TRIM4: variants seen among roughly 807,000 people sequenced by gnomAD.
TRIM4 encodes E3 ubiquitin-protein ligase TRIM4.
TRIM4 carries 29 observed loss-of-function variants against 33.7 expected under a neutral mutation model. The ratio of observed to expected loss-of-function variants is 0.86; its 90% CI spans 0.64 to 1.17. The LOEUF is 1.17. Among genes scored for constraint, TRIM4 ranks in the 50% most tolerant of loss-of-function variants. The probability of loss-of-function intolerance (pLI) is 0.00; values close to 1 mark genes in which losing one functional copy is unlikely to be tolerated. For missense variants in TRIM4, 554 were observed against 593.7 expected (o/e 0.93, Z 0.69); for synonymous variants, 224 against 233.0 (o/e 0.96, Z 0.35).
chr7:99,918,384 T>G (rs933795433), intron 1 of TRIM4, among the ~76,000 whole-genome samples: 1 of 152,114 alleles, frequency 6.6e-6, no homozygotes, highest in African/African-American at 2.4e-5. Flanking sequence ...CTGGCCAAGA[T>G]GGTGAAACCC....
intron 5 of TRIM4, among the ~76,000 whole-genome samples, chr7:99,899,700 T>G (rs1455147661): frequency 6.6e-6 from 1 of 152,232 alleles, no homozygotes; most frequent in Admixed American, 6.5e-5. Flanking sequence ...ATTAGGGTTC[T>G]CCAAAGGAAC....
At chr7:99,906,127 A>G (rs757450347) in intron 3 of TRIM4, among the ~76,000 whole-genome samples, 14 of 152,218 alleles carry the variant, frequency 9.2e-5, no homozygotes, top group Non-Finnish European at 1.8e-4. Flanking sequence ...CCTCGGCCAC[A>G]CAGCAAGACT....
At chr7:99,894,674 A>C (rs924641544) in intron 5 of TRIM4, among the ~76,000 whole-genome samples, 46 of 120,136 alleles carry the variant, frequency 3.8e-4, no homozygotes, top group South Asian at 2.2e-3. Flanking sequence ...CCCCCCCCCA[A>C]AAAAAAAAAG....
chr7:99,908,064 A>C (rs974201466), intron 3 of TRIM4, among the ~76,000 whole-genome samples: 1 of 152,248 alleles, frequency 6.6e-6, no homozygotes, highest in Non-Finnish European at 1.5e-5. Flanking sequence ...ACCCAAACTT[A>C]AGTGCTAAGT....
intron 5 of TRIM4, chr7:99,901,901 C>T (rs1819179620): frequency 5.4e-6 from 3 of 557,292 alleles, no homozygotes; most frequent in Non-Finnish European, 9.5e-6. Context: ...CTCCAGGATA[C>T]TGCCCAGTAC....
intron 1 of TRIM4, among the ~76,000 whole-genome samples, chr7:99,917,580 A>G (rs2151654728): frequency 1.3e-5 from 2 of 152,318 alleles, no homozygotes; most frequent in South Asian, 2.1e-4. Flanking sequence ...TTAGCTGGGC[A>G]TGCTGGCAGG....
At chr7:99,903,798 G>GC (rs1324052492) in intron 3 of TRIM4, among the ~76,000 whole-genome samples, 200 bp from the exon 4 acceptor site, 1 of 152,000 alleles carries the variant, frequency 6.6e-6, no homozygotes, top group Non-Finnish European at 1.5e-5. Flanking sequence ...TGCTGCCTGC[G>GC]CCCCTCCTCT....
At chr7:99,898,483 G>A (rs1037318999) in intron 5 of TRIM4, among the ~76,000 whole-genome samples, 6 of 152,214 alleles carry the variant, frequency 3.9e-5, no homozygotes, top group Admixed American at 1.3e-4. Flanking sequence ...ACAGGTAGAC[G>A]GCAACCACAG....
chr7:99,895,013 C>T (rs1818985341), intron 5 of TRIM4, among the ~76,000 whole-genome samples: 1 of 152,096 alleles, frequency 6.6e-6, no homozygotes, highest in African/African-American at 2.4e-5. Flanking sequence ...CTCAAAGGAC[C>T]AGCTTTTGGT....
chr7:99,917,107 C>A (rs1819572845), intron 1 of TRIM4, among the ~76,000 whole-genome samples: 1 of 152,200 alleles, frequency 6.6e-6, no homozygotes, highest in African/African-American at 2.4e-5. Context: ...CTCAACGGAG[C>A]CTTTCCTCAC....
intron 5 of TRIM4, chr7:99,901,866 TTC>T: frequency 2.0e-6 from 1 of 500,696 alleles, no homozygotes; most frequent in South Asian, 3.3e-5. Context: ...ATGGCGAGGG[TTC>T]TCTCTGTGTC....
chr7:99,918,561 T>C (rs1367774250), intron 1 of TRIM4, among the ~76,000 whole-genome samples: 2 of 140,678 alleles, frequency 1.4e-5, no homozygotes, highest in East Asian at 3.9e-4. Flanking sequence ...TGAGACTCCA[T>C]CTCAGAAAAA....
In TRIM4 at chr7:99,917,690, G is replaced by T. The variant is rs138409466; in HGVS notation, c.393+1319C>A. 3.5e-3 allele frequency: 1,912 copies of T among 549,652 alleles called. 31 individuals carry two copies. The highest frequency in any genetic ancestry group is 0.031 in the African/African-American group (1,517 of 48,722). The allele number at this position is 549,652 out of a possible 1,614,324, so 34.0% of individuals were successfully genotyped here. On this transcript the variant is annotated intron_variant, in intron 1 of 5. Coordinates refer to ENST00000349062, the MANE Select transcript of TRIM4 (RefSeq NM_033091.3). The stretch of plus-strand genomic sequence containing the variant: ...GTTGAGATCTCACCACTGCATTCCA[G>T]CCTGGGCAACAAGAGCGAAACTCCA...
chr7:99,893,139 C>A (rs1322025142), intron 5 of TRIM4, among the ~76,000 whole-genome samples: 1 of 152,066 alleles, frequency 6.6e-6, no homozygotes, highest in Non-Finnish European at 1.5e-5. Context: ...TGATGGTGGG[C>A]ACCTGTAATC....
At chr7:99,913,454 G>T (rs1328428702) in intron 1 of TRIM4, among the ~76,000 whole-genome samples, 1 of 152,060 alleles carries the variant, frequency 6.6e-6, no homozygotes, top group African/African-American at 2.4e-5. Flanking sequence ...AGATTACGAG[G>T]TCAGGAGTTC....
Position 99,919,074 on chromosome 7 carries a change from T to G in TRIM4, c.328A>C (p.Arg110=). Residue 110 remains arginine (R), a synonymous_variant, in exon 1 of 6, where the codon AGG becomes CGG. Transcript: ENST00000349062. ...TGAGTCTGGTGCTCCTGGGACTCCCTGCACACCAGGCACACTGGCCGCTGG... is the reference window on the plus strand; with the variant it reads ...TGAGTCTGGTGCTCCTGGGACTCCCGGCACACCAGGCACACTGGCCGCTGG... The part of the protein sequence containing the change: ...DDQRPVCLVC[R]ESQEHQTHAM... 1 of 1,566,362 alleles carries G rather than the reference T, an allele frequency of 6.4e-7. No individual in the cohort carries two copies. The highest frequency in any genetic ancestry group is 1.4e-5 in the African/African-American group (1 of 72,254).
chr7:99,909,129 T>TGAGG (rs1819375747), intron 2 of TRIM4, among the ~76,000 whole-genome samples: 1 of 139,522 alleles, frequency 7.2e-6, no homozygotes, highest in Admixed American at 7.2e-5. Flanking sequence ...TTTAGGAGTG[T>TGAGG]GAGGGTGTGT....
intron 3 of TRIM4, among the ~76,000 whole-genome samples, chr7:99,905,151 G>C (rs1370009555): frequency 6.6e-6 from 1 of 152,170 alleles, no homozygotes; most frequent in Non-Finnish European, 1.5e-5. Context: ...GAGGGCAGGA[G>C]ATGACATTTT....
Position 99,908,598 on chromosome 7 carries a change from G to T in TRIM4, c.704C>A (p.Thr235Asn). Residue 235 changes from threonine (T) to asparagine (N), a missense_variant, in exon 3 of 6, where the codon ACC (threonine) becomes AAC (asparagine). Physicochemically the swap from Thr to Asn is moderately conservative, Grantham distance 65. This residue lies in a region of TRIM4 where 290 missense variants were observed against 335.8 expected (regional missense o/e 0.86). Coordinates refer to ENST00000349062, the MANE Select transcript of TRIM4 (RefSeq NM_033091.3). ...LEVGEKSQAP[T>N]LELLQNPKEV... is the part of the protein sequence containing the mutation. ...CTGTCTCACCTGAAGCAGCTCCAGGGTGGGAGCCTGGCTCTTCTCCCCCAC... is the reference window on the plus strand; with the variant it reads ...CTGTCTCACCTGAAGCAGCTCCAGGTTGGGAGCCTGGCTCTTCTCCCCCAC... The T allele has an allele frequency of 6.2e-7, 1 of 1,612,618 alleles. No homozygotes were observed.
Sources: allele counts gnomAD v4.1 joint callset (sites outside exome capture counted in the v4.1 genomes callset), GRCh38; gene constraint gnomAD v4.1.1; regional missense constraint gnomAD v4.1.1; transcripts MANE v1.5; gene names NCBI Gene and HGNC (gene_info 2026-07-23, HGNC 2026-07-21).